The following SNTG1 variants were observed in gnomAD, a reference collection of about 807,000 sequenced individuals.
SNTG1 encodes gamma-1-syntrophin.
A neutral mutation model predicts 74.7 loss-of-function variants in SNTG1; 39 were observed. The observed-to-expected ratio is 0.52, with a 90% CI of 0.40 to 0.68. SNTG1 has a LOEUF of 0.68. Ranked by LOEUF, SNTG1 falls within the 30% of genes least tolerant of loss-of-function variation. The pLI, the probability that SNTG1 is intolerant of heterozygous loss-of-function variation, is 0.00. For missense variants in SNTG1, 685 were observed against 609.5 expected, an observed-to-expected ratio of 1.12 and a Z score of -1.30; for synonymous variants, 254 against 217.1, an observed-to-expected ratio of 1.17 and a Z score of -1.49.
chr8:50,327,756 G>A (rs2090809715), intron 2 of SNTG1, among the ~76,000 whole-genome samples: 1 of 151,688 alleles, frequency 6.6e-6, no homozygotes. Context: ...TTCTGTTTCT[G>A]CATTTTTTAT....
At chr8:50,750,287 G>A (rs2095564379) in intron 17 of SNTG1, among the ~76,000 whole-genome samples, 1 of 152,024 alleles carries the variant, frequency 6.6e-6, no homozygotes, top group South Asian at 2.1e-4. Context: ...TAAAACTTTG[G>A]TGAGTGAGGA....
intron 13 of SNTG1, among the ~76,000 whole-genome samples, chr8:50,610,116 T>A (rs1402369303): frequency 2.0e-5 from 3 of 152,204 alleles, no homozygotes; most frequent in Non-Finnish European, 4.4e-5. Flanking sequence ...AAATTTTTAA[T>A]TGTGTCTTAT....
At chr8:50,262,442 G>A (rs2087241681) in intron 2 of SNTG1, among the ~76,000 whole-genome samples, 1 of 152,054 alleles carries the variant, frequency 6.6e-6, no homozygotes, top group South Asian at 2.1e-4. Flanking sequence ...ACGGAGTGTC[G>A]CTCTGTCACC....
intron 1 of SNTG1, among the ~76,000 whole-genome samples, chr8:50,022,640 A>C (rs1416251582): frequency 6.6e-6 from 1 of 152,186 alleles, no homozygotes; most frequent in Non-Finnish European, 1.5e-5. Flanking sequence ...GTAGCCTAGC[A>C]GTTTGTTTGT....
intron 9 of SNTG1, among the ~76,000 whole-genome samples, chr8:50,503,990 C>T (rs1328822767): frequency 6.6e-6 from 1 of 152,170 alleles, no homozygotes; most frequent in East Asian, 1.9e-4. Context: ...TCCCTCCTCC[C>T]ACCCTACATC....
intron 13 of SNTG1, among the ~76,000 whole-genome samples, chr8:50,596,911 T>G (rs2094731232): frequency 6.6e-6 from 1 of 152,038 alleles, no homozygotes; most frequent in South Asian, 2.1e-4. Context: ...ATCATTTATT[T>G]TGGTAGTAAC....
chr8:50,558,351 C>A (rs1223356833), intron 12 of SNTG1, among the ~76,000 whole-genome samples: 1 of 152,118 alleles, frequency 6.6e-6, no homozygotes, highest in Non-Finnish European at 1.5e-5. Context: ...CTTCCCAGGT[C>A]TCTGATCAGC....
chr8:50,098,840 G>C (rs562625971), intron 1 of SNTG1, among the ~76,000 whole-genome samples: 1 of 152,158 alleles, frequency 6.6e-6, no homozygotes, highest in East Asian at 1.9e-4. Flanking sequence ...AGATTTTGTG[G>C]AACATAAGTG....
At chr8:50,332,654 T>C (rs546746841) in intron 2 of SNTG1, among the ~76,000 whole-genome samples, 2 of 152,330 alleles carry the variant, frequency 1.3e-5, no homozygotes, top group South Asian at 4.1e-4. Context: ...ATAATGTATG[T>C]CATAGGCATA....
intron 18 of SNTG1, among the ~76,000 whole-genome samples, chr8:50,783,316 C>A (rs1038043558): frequency 6.6e-6 from 1 of 152,232 alleles, no homozygotes; most frequent in Non-Finnish European, 1.5e-5. Flanking sequence ...CCTATAGAGG[C>A]AGGCAGGCCT....
chr8:50,212,540 C>T (rs571173703), intron 2 of SNTG1, among the ~76,000 whole-genome samples: 3 of 152,186 alleles, frequency 2.0e-5, no homozygotes, highest in Admixed American at 6.6e-5. Flanking sequence ...TCCAAGAATT[C>T]ATGGTAAGAG....
At chr8:50,018,420 T>G (rs1816529739) in intron 1 of SNTG1, among the ~76,000 whole-genome samples, 1 of 152,006 alleles carries the variant, frequency 6.6e-6, no homozygotes, top group Non-Finnish European at 1.5e-5. Context: ...TAACAAATGT[T>G]CCTGGGACAA....
intron 1 of SNTG1, among the ~76,000 whole-genome samples, chr8:50,007,588 T>C (rs72639830): frequency 1.2e-4 from 19 of 152,256 alleles, no homozygotes; most frequent in Non-Finnish European, 2.6e-4. Context: ...AACCATATAA[T>C]GTAGTTGTAT....
intron 1 of SNTG1, among the ~76,000 whole-genome samples, chr8:49,947,928 C>T (rs1216964968): frequency 2.0e-5 from 3 of 152,086 alleles, no homozygotes; most frequent in South Asian, 2.1e-4. Flanking sequence ...GTAAGGAGTT[C>T]GAGAACAGCC....
At chr8:50,265,979 A>T (rs1281754405) in intron 2 of SNTG1, among the ~76,000 whole-genome samples, 2 of 152,102 alleles carry the variant, frequency 1.3e-5, no homozygotes, top group Non-Finnish European at 2.9e-5. Context: ...ATTCATAGAT[A>T]GTAAGAACAC....
At chr8:50,275,751 T>A (rs1214529746) in intron 2 of SNTG1, among the ~76,000 whole-genome samples, 1 of 152,174 alleles carries the variant, frequency 6.6e-6, no homozygotes, top group South Asian at 2.1e-4. Flanking sequence ...GAAATTTTCC[T>A]GCAAGATATG....
intron 2 of SNTG1, among the ~76,000 whole-genome samples, chr8:50,370,476 G>A (rs1297276590): frequency 2.0e-5 from 3 of 152,160 alleles, no homozygotes; most frequent in African/African-American, 4.8e-5. Flanking sequence ...ATTTTTGCCA[G>A]TAGAGGAGGC....
At chr8:50,023,543 A>C (rs1007888186) in intron 1 of SNTG1, among the ~76,000 whole-genome samples, 1 of 152,136 alleles carries the variant, frequency 6.6e-6, no homozygotes, top group Non-Finnish European at 1.5e-5. Flanking sequence ...GTTGTCCTTA[A>C]AAAGTTTATT....
intron 18 of SNTG1, among the ~76,000 whole-genome samples, chr8:50,757,905 C>T (rs1157194818): frequency 6.6e-6 from 1 of 151,840 alleles, no homozygotes; most frequent in Non-Finnish European, 1.5e-5. Flanking sequence ...TAAACCAAGT[C>T]CGCCTTCAAA....
Sources: gnomAD v4.1 joint callset for allele counts (sites outside exome capture counted in the v4.1 genomes callset) on GRCh38, gnomAD v4.1.1 for gene constraint, MANE v1.5 for transcripts, NCBI Gene and HGNC (gene_info 2026-07-23, HGNC 2026-07-21) for gene names.